Variants in DLEU7 observed in about 807,000 individuals in gnomAD.
DLEU7 encodes the protein deleted in lymphocytic leukemia 7.
In DLEU7, 17 loss-of-function variants were observed where a neutral mutation model predicts 16.0. That is an observed-to-expected ratio of 1.06 (90% CI 0.73 to 1.59). The LOEUF (loss-of-function observed/expected upper bound fraction) is 1.59. Ranked by LOEUF, DLEU7 falls within the 40% of genes most tolerant of loss-of-function variation. DLEU7 has a pLI of 0.00. For missense variants in DLEU7, 308 were observed against 314.9 expected (o/e 0.98, Z 0.17); for synonymous variants, 113 against 139.8 (o/e 0.81, Z 1.35).
At chr13:50,793,602 T>C (rs1001709796) in intron 1 of DLEU7, among the ~76,000 whole-genome samples, 1 of 152,250 alleles carries the variant, frequency 6.6e-6, no homozygotes, top group Non-Finnish European at 1.5e-5. Flanking sequence ...TGATGATTAG[T>C]GATGATGACC....
Position 50,843,648 on chromosome 13 carries a change from G to A in DLEU7, c.-2C>T, listed in dbSNP as rs1877768297. ...CACTAAGGGCGCAGGGCTGGCCATC[G>A]CCTCCGCTGGCGGCCCGGCGCGCTC... On this transcript the variant is annotated 5_prime_UTR_variant, in exon 1 of 2. Transcript: ENST00000504404. The surrounding 1 kb of genome is among the most constrained non-coding windows in gnomAD (Gnocchi z 5.7). The A allele has an allele frequency of 6.6e-7, 1 of 1,504,360 alleles. No individual in the cohort carries two copies. Among genetic ancestry groups the A allele is most frequent in the East Asian group, 2.7e-5 (1 of 36,452 alleles). The allele number at this position is 1,504,360 out of a possible 1,614,324, so 93.2% of individuals were successfully genotyped here.
At chr13:50,802,489 G>A (rs577928439) in intron 1 of DLEU7, among the ~76,000 whole-genome samples, 117 of 152,288 alleles carry the variant, frequency 7.7e-4, no homozygotes, top group African/African-American at 2.7e-3. Context: ...TTTAGAAAGC[G>A]ACAGTACCTA....
chr13:50,827,333 A>G (rs1877120094), intron 1 of DLEU7, among the ~76,000 whole-genome samples: 1 of 152,200 alleles, frequency 6.6e-6, no homozygotes, highest in Non-Finnish European at 1.5e-5. Flanking sequence ...TATTATTAAA[A>G]GTAGAGAAAT....
intron 1 of DLEU7, among the ~76,000 whole-genome samples, chr13:50,842,165 A>G (rs1250412190): frequency 1.3e-5 from 2 of 152,196 alleles, no homozygotes; most frequent in African/African-American, 2.4e-5. Flanking sequence ...ATTTGGGTAT[A>G]TAATAGGCTT....
chr13:50,833,571 C>T (rs1211185981), intron 1 of DLEU7, among the ~76,000 whole-genome samples: 1 of 152,180 alleles, frequency 6.6e-6, no homozygotes, highest in African/African-American at 2.4e-5. Flanking sequence ...ACATTCCATG[C>T]TCATGGATAG....
chr13:50,725,047 C>G (rs981472298), intron 1 of DLEU7, among the ~76,000 whole-genome samples: 1 of 151,800 alleles, frequency 6.6e-6, no homozygotes, highest in Non-Finnish European at 1.5e-5. Context: ...GCCCATGGTC[C>G]GGGCTGACTG....
chr13:50,716,815 T>A (rs1282767484), intron 1 of DLEU7, among the ~76,000 whole-genome samples: 1 of 152,246 alleles, frequency 6.6e-6, no homozygotes, highest in Non-Finnish European at 1.5e-5. Flanking sequence ...AGAGATCTAG[T>A]ACACCAGGCT....
Position 50,843,536 on chromosome 13 carries a change from G to T in DLEU7, c.111C>A (p.Pro37=). 7.0e-7 allele frequency: 1 copy of T among 1,435,588 alleles called. No homozygotes were observed. 88.9% of individuals were successfully genotyped at this position (1,435,588 alleles called of 1,614,324 possible). A position where few individuals can be genotyped will look rare whatever the true frequency, so the allele number is the denominator to read the frequency against. ...EWGWGDGPVA[P]GNPRDPDHVS... is the part of the protein sequence containing the mutation. ...CGTGGTCTGGGTCCCGCGGGTTCCC[G>T]GGGGCGACTGGACCGTCCCCCCAGC... is the stretch of plus-strand genomic sequence containing the variant. Residue 37 remains proline, a synonymous_variant, in exon 1 of 2, where the codon CCC becomes CCA. Coordinates refer to ENST00000504404, the MANE Select transcript of DLEU7 (RefSeq NM_001306135.2). This position sits in a 1 kb window ranked among gnomAD's most constrained non-coding sequence, Gnocchi z 5.7.
chr13:50,832,493 T>A (rs961146200), intron 1 of DLEU7, among the ~76,000 whole-genome samples: 10 of 152,232 alleles, frequency 6.6e-5, no homozygotes, highest in Non-Finnish European at 1.3e-4. Context: ...AGTTCTGCTC[T>A]AATTGTAGTT....
At chr13:50,711,772 C>CCGGGCGGG, downstream of DLEU7, 18 of 72,928 alleles carry the variant, frequency 2.5e-4, 1 homozygote, top group African/African-American at 7.0e-4. Flanking sequence ...GACCCAGTGG[C>CCGGGCGGG]GGGGGCGGGG....
At chr13:50,755,129 C>T (rs1874713519) in intron 1 of DLEU7, among the ~76,000 whole-genome samples, 1 of 152,194 alleles carries the variant, frequency 6.6e-6, no homozygotes, top group African/African-American at 2.4e-5. Context: ...AGATTCCTTC[C>T]TTCGTCTTAA....
At chr13:50,727,517 G>C (rs1873798421) in intron 1 of DLEU7, among the ~76,000 whole-genome samples, 1 of 152,076 alleles carries the variant, frequency 6.6e-6, no homozygotes, top group South Asian at 2.1e-4. Flanking sequence ...GGGAGGTGGG[G>C]GTCATTGACA....
At chr13:50,734,494 T>A (rs1874009007) in intron 1 of DLEU7, among the ~76,000 whole-genome samples, 1 of 151,896 alleles carries the variant, frequency 6.6e-6, no homozygotes, top group Non-Finnish European at 1.5e-5. Flanking sequence ...AATACACCCA[T>A]CTCCCCAAAA....
At chr13:50,823,586 C>T (rs1876985320) in intron 1 of DLEU7, 66 bp from the exon 2 acceptor site, 1 of 1,504,662 alleles carries the variant, frequency 6.6e-7, no homozygotes, top group Non-Finnish European at 8.9e-7. Flanking sequence ...TTGTACTTTG[C>T]TTACCCAGCT....
At chr13:50,820,490 C>A (rs888709880), downstream of DLEU7, among the ~76,000 whole-genome samples, 15 of 152,214 alleles carry the variant, frequency 9.9e-5, no homozygotes, top group African/African-American at 3.6e-4. Context: ...CAGGGCAGCC[C>A]TGCTTATAAC....
intron 1 of DLEU7, among the ~76,000 whole-genome samples, chr13:50,791,658 A>G (rs1875962566): frequency 6.6e-6 from 1 of 152,118 alleles, no homozygotes. Context: ...CAAGTGAAGG[A>G]CTCAATCTTT....
At chr13:50,834,355 C>A (rs188501014) in intron 1 of DLEU7, among the ~76,000 whole-genome samples, 160 of 151,936 alleles carry the variant, frequency 1.1e-3, no homozygotes, top group African/African-American at 3.7e-3. Flanking sequence ...AAAAAAACAA[C>A]CCCATCAAAA....
chr13:50,785,907 G>A (rs1200210537), intron 1 of DLEU7, among the ~76,000 whole-genome samples: 3 of 152,098 alleles, frequency 2.0e-5, no homozygotes, highest in Non-Finnish European at 4.4e-5. Context: ...AGGCAGCAAC[G>A]CCTTTAAAAT....
chr13:50,762,239 T>C (rs1282245607), intron 1 of DLEU7, among the ~76,000 whole-genome samples: 1 of 151,748 alleles, frequency 6.6e-6, no homozygotes, highest in African/African-American at 2.4e-5. Flanking sequence ...GATACAGTTT[T>C]GATTCTCTAA....
Sources: allele counts gnomAD v4.1 joint callset (sites outside exome capture counted in the v4.1 genomes callset), GRCh38; gene constraint gnomAD v4.1.1; non-coding constraint Gnocchi (gnomAD v3.1); transcripts MANE v1.5; gene names NCBI Gene and HGNC (gene_info 2026-07-23, HGNC 2026-07-21).